SPMIP4: variants seen among roughly 807,000 people sequenced by gnomAD.
SPMIP4 encodes the protein sperm microtubule inner protein 4.
At chr7:25,168,981 C>A in the SPMIP4 span, among the ~76,000 whole-genome samples, 2 of 151,272 alleles carry the variant, frequency 1.3e-5, no homozygotes, top group Non-Finnish European at 2.9e-5. Flanking sequence ...CCCGCCTCGG[C>A]CTCCCAAAGT....
chr7:25,170,869 A>T, the SPMIP4 span, among the ~76,000 whole-genome samples: 1 of 152,206 alleles, frequency 6.6e-6, no homozygotes, highest in Non-Finnish European at 1.5e-5. Context: ...AATATTCCTA[A>T]TCTTGTAAAG....
At chr7:25,145,337 A>G in the SPMIP4 span, among the ~76,000 whole-genome samples, 1 of 152,340 alleles carries the variant, frequency 6.6e-6, no homozygotes, top group East Asian at 1.9e-4. Flanking sequence ...TGAACTAACA[A>G]CAGAGATCTA....
chr7:25,134,301 A>G, the SPMIP4 span, among the ~76,000 whole-genome samples: 16 of 151,442 alleles, frequency 1.1e-4, no homozygotes, highest in Non-Finnish European at 1.6e-4. Context: ...ACACACACAC[A>G]AAAGAACCAG....
the SPMIP4 span, chr7:25,179,139 C>T: frequency 6.4e-7 from 1 of 1,572,866 alleles, no homozygotes; most frequent in Admixed American, 1.8e-5. Flanking sequence ...ATTAAAACTG[C>T]TTTTTCTTGT....
chr7:25,129,265 A>C, the SPMIP4 span, among the ~76,000 whole-genome samples: 3 of 152,184 alleles, frequency 2.0e-5, no homozygotes, highest in Non-Finnish European at 2.9e-5. Context: ...ACCCCCCCAG[A>C]GCACTTTAGC....
chr7:25,130,694 T>C, the SPMIP4 span, among the ~76,000 whole-genome samples: 97 of 152,150 alleles, frequency 6.4e-4, no homozygotes, highest in Non-Finnish European at 2.9e-5. Context: ...CATTAGTTTT[T>C]CAAGGGTGAT....
At chr7:25,149,173 G>A in the SPMIP4 span, among the ~76,000 whole-genome samples, 1 of 152,284 alleles carries the variant, frequency 6.6e-6, no homozygotes, top group South Asian at 2.1e-4. Context: ...GGAGGTAGCT[G>A]TAGGCTATAC....
chr7:25,158,864 A>AT, the SPMIP4 span, among the ~76,000 whole-genome samples: 22 of 149,814 alleles, frequency 1.5e-4, no homozygotes, highest in African/African-American at 5.0e-4. Context: ...CAAAAAAAAA[A>AT]AAAATAATAA....
At chr7:25,158,400 ATGGG>A in the SPMIP4 span, 1 of 667,920 alleles carries the variant, frequency 1.5e-6, no homozygotes. Context: ...AAACGTTTTC[ATGGG>A]AAGTCTCACT....
At chr7:25,145,623 G>A in the SPMIP4 span, among the ~76,000 whole-genome samples, 1 of 152,182 alleles carries the variant, frequency 6.6e-6, no homozygotes, top group Non-Finnish European at 1.5e-5. Context: ...AGGAATTCCA[G>A]TTCCTGAGAT....
the SPMIP4 span, among the ~76,000 whole-genome samples, chr7:25,160,813 G>C: frequency 1.3e-5 from 2 of 152,070 alleles, no homozygotes; most frequent in East Asian, 3.8e-4. Flanking sequence ...GTAAAATTCT[G>C]GTTGAAAATT....
the SPMIP4 span, among the ~76,000 whole-genome samples, chr7:25,177,378 G>A: frequency 6.6e-6 from 1 of 151,408 alleles, no homozygotes; most frequent in Non-Finnish European, 1.5e-5. Flanking sequence ...AGCTACTCAG[G>A]AGGCTGAGGC....
chr7:25,167,568 G>A, the SPMIP4 span, among the ~76,000 whole-genome samples: 1 of 152,074 alleles, frequency 6.6e-6, no homozygotes, highest in Non-Finnish European at 1.5e-5. Context: ...TAAGGTCATC[G>A]GCGGCACATG....
the SPMIP4 span, among the ~76,000 whole-genome samples, chr7:25,175,315 G>A: frequency 6.6e-6 from 1 of 152,154 alleles, no homozygotes; most frequent in Non-Finnish European, 1.5e-5. Context: ...CTGGAGTGCT[G>A]TGGTGTGATC....
the SPMIP4 span, chr7:25,158,642 G>A: frequency 7.1e-5 from 59 of 825,720 alleles, no homozygotes; most frequent in East Asian, 1.5e-3. Context: ...GCTCATGCCT[G>A]TAATCCCAGC....
At chr7:25,177,084 G>GA in the SPMIP4 span, among the ~76,000 whole-genome samples, 1 of 152,320 alleles carries the variant, frequency 6.6e-6, no homozygotes, top group African/African-American at 2.4e-5. Flanking sequence ...AATTACAAGG[G>GA]AAAAATTGTT....
At chr7:25,133,770 G>C in the SPMIP4 span, among the ~76,000 whole-genome samples, 17 of 152,300 alleles carry the variant, frequency 1.1e-4, no homozygotes, top group Admixed American at 1.0e-3. Flanking sequence ...ATTGGGTTGA[G>C]GGAGGAGGGA....
chr7:25,171,807 A>G, the SPMIP4 span, among the ~76,000 whole-genome samples: 1 of 152,220 alleles, frequency 6.6e-6, no homozygotes, highest in Admixed American at 6.5e-5. Context: ...AGAAGCTGGG[A>G]CCTTAAAATG....
chr7:25,177,340 G>A, the SPMIP4 span, among the ~76,000 whole-genome samples: 2 of 152,210 alleles, frequency 1.3e-5, no homozygotes, highest in East Asian at 3.9e-4. Flanking sequence ...AGAATTAGCT[G>A]GGCGAGGTGG....
Sources: gnomAD v4.1 joint callset for allele counts (sites outside exome capture counted in the v4.1 genomes callset) on GRCh38, gnomAD v4.1.1 for gene constraint, MANE v1.5 for transcripts, NCBI Gene and HGNC (gene_info 2026-07-23, HGNC 2026-07-21) for gene names.